Variants in BRAF observed in about 807,000 individuals in gnomAD.
BRAF encodes serine/threonine-protein kinase B-raf.
Under a neutral mutation model 104.6 loss-of-function variants are expected in BRAF, and 16 were observed. That is an observed-to-expected ratio of 0.15 (90% CI 0.10 to 0.23). BRAF has a LOEUF of 0.23. Among genes scored for constraint, BRAF ranks in the 10% least tolerant of loss-of-function variants. The pLI is 1.00. For synonymous variants in BRAF, 310 were observed against 341.6 expected, an observed-to-expected ratio of 0.91 and a Z score of 1.02; for missense variants, 541 against 937.3, an observed-to-expected ratio of 0.58 and a Z score of 5.52.
In BRAF at chr7:140,770,865, G is replaced by A. The variant is rs562006975; in HGVS notation, c.1814+6047C>T. 1.3e-4 allele frequency among the ~76,000 whole-genome samples: 19 copies of A among 151,032 alleles called. No individual in the cohort carries two copies. In the South Asian group the frequency reaches 3.2e-3, roughly 25 times the overall value. On this transcript the variant is annotated intron_variant, in intron 14 of 19. Transcript: ENST00000644969. ...GGAGAATCGCTTGAACCTGAGAGGC[G>A]GAGGTTTCAGTGAGCCAAGGTCGTG...
intron 1 of BRAF, among the ~76,000 whole-genome samples, chr7:140,879,550 TAAAA>T (rs71170768): frequency 2.5e-5 from 3 of 121,664 alleles, no homozygotes; most frequent in African/African-American, 3.0e-5. Flanking sequence ...AGCATTATTC[TAAAA>T]AAAAAAAAAA....
At chr7:140,733,325 TG>T (rs1796125043) in intron 19 of BRAF, 1 of 151,576 alleles carries the variant, frequency 6.6e-6, no homozygotes, top group African/African-American at 2.4e-5. Flanking sequence ...GGAAGAACCT[TG>T]ATCTATTGGC....
At chr7:140,895,313 G>C (rs1814757398) in intron 1 of BRAF, among the ~76,000 whole-genome samples, 1 of 152,090 alleles carries the variant, frequency 6.6e-6, no homozygotes, top group Non-Finnish European at 1.5e-5. Context: ...CAGCAAACTA[G>C]AAATGGAAGA....
intron 2 of BRAF, among the ~76,000 whole-genome samples, chr7:140,846,445 A>T (rs1808550047): frequency 6.6e-6 from 1 of 152,234 alleles, no homozygotes; most frequent in East Asian, 1.9e-4. Flanking sequence ...TTCCATTAAC[A>T]TGAAGTTCCT....
At chr7:140,778,349 C>A (rs1006432136) in intron 12 of BRAF, among the ~76,000 whole-genome samples, 2 of 152,028 alleles carry the variant, frequency 1.3e-5, no homozygotes, top group East Asian at 3.9e-4. Context: ...CAATTAAGTA[C>A]CCATGGTATT....
chr7:140,841,742 C>T (rs1215806697), intron 2 of BRAF, among the ~76,000 whole-genome samples: 2 of 152,004 alleles, frequency 1.3e-5, no homozygotes, highest in Non-Finnish European at 2.9e-5. Flanking sequence ...GGAATGACTA[C>T]TAATGCATAA....
chr7:140,892,264 A>T (rs1037079537), intron 1 of BRAF, among the ~76,000 whole-genome samples: 8 of 152,200 alleles, frequency 5.3e-5, no homozygotes, highest in Non-Finnish European at 1.0e-4. Context: ...TCAAAAAAAA[A>T]AAATAAATCA....
rs991759529 is a variant in BRAF, at chr7:140,740,049, C to T, written c.2113-103G>A. 11 of 1,237,624 alleles carry T rather than the reference C, an allele frequency of 8.9e-6. No individual in the cohort carries two copies. The East Asian group carries it at 1.2e-4, about 14-fold the overall frequency. 76.7% of individuals were successfully genotyped at this position (1,237,624 alleles called of 1,614,324 possible). On this transcript the variant is annotated intron_variant, in intron 17 of 19. Coordinates refer to ENST00000644969, the MANE Select transcript of BRAF (RefSeq NM_001374258.1). Reference sequence around the variant, plus strand: ...CAATAAGCTGTACATTTACAGCTTACGATGTATGTATTACACCTCAATAAA... The same window carrying T: ...CAATAAGCTGTACATTTACAGCTTATGATGTATGTATTACACCTCAATAAA...
chr7:140,917,903 C>T (rs1172415354), intron 1 of BRAF, among the ~76,000 whole-genome samples: 1 of 152,098 alleles, frequency 6.6e-6, no homozygotes, highest in Non-Finnish European at 1.5e-5. Flanking sequence ...CAGAGTCAAA[C>T]TCATTTGTTT....
chr7:140,849,628 T>C (rs1021372613), intron 2 of BRAF, among the ~76,000 whole-genome samples: 11 of 151,544 alleles, frequency 7.3e-5, no homozygotes, highest in Admixed American at 2.0e-4. Context: ...CTGGCCAATA[T>C]GGTGAAACCC....
chr7:140,916,949 C>T (rs564386598), intron 1 of BRAF, among the ~76,000 whole-genome samples: 7 of 152,306 alleles, frequency 4.6e-5, no homozygotes, highest in African/African-American at 1.7e-4. Context: ...AGAAAACACA[C>T]ACAGATCAAT....
At position 140,788,860 on chromosome 7, in the gene BRAF, A is replaced by G. The variant is rs183532604; in HGVS notation, c.1141-1276T>C. On this transcript the variant is annotated intron_variant, in intron 8 of 19. Transcript: ENST00000644969. Reference sequence around the variant, plus strand: ...CACCTCAGCCTCCCAAAGTGCTGGGATTACATGCATAAGCCGCCGCAACCG... The same window carrying G: ...CACCTCAGCCTCCCAAAGTGCTGGGGTTACATGCATAAGCCGCCGCAACCG... Among the ~76,000 whole-genome samples, 382 of 151,464 alleles carry G rather than the reference A, an allele frequency of 2.5e-3. 2 individuals are homozygous for G. Among genetic ancestry groups the G allele is most frequent in the Non-Finnish European group, 4.8e-3 (326 of 67,872 alleles).
chr7:140,882,811 G>A (rs1210979472), intron 1 of BRAF, among the ~76,000 whole-genome samples: 3 of 151,896 alleles, frequency 2.0e-5, no homozygotes, highest in Non-Finnish European at 1.5e-5. Flanking sequence ...TGACCAACAT[G>A]GAGAAGAAAC....
chr7:140,739,682 G>T, intron 18 of BRAF, 130 bp downstream of exon 17: 1 of 1,095,804 alleles, frequency 9.1e-7, no homozygotes, highest in Non-Finnish European at 1.3e-6. Context: ...ATCTTAATGT[G>T]TTTTCTTGTC....
rs1156753362 is a variant in BRAF at position 140,914,229 on chromosome 7, A to T, written c.138+10337T>A. Among the ~76,000 whole-genome samples the T allele has an allele frequency of 2.6e-5, 4 of 152,210 alleles. No individual in the cohort carries two copies. The East Asian group carries it at 7.7e-4, about 29-fold the overall frequency. Reference sequence around the variant, plus strand: ...TATTTTCATAGCACTCCTATGATCTACTTAACACATATGGCCTACTAGAAG... The same window carrying T: ...TATTTTCATAGCACTCCTATGATCTTCTTAACACATATGGCCTACTAGAAG... On this transcript the variant is annotated intron_variant, in intron 1 of 19. Coordinates refer to ENST00000644969, the MANE Select transcript of BRAF (RefSeq NM_001374258.1).
intron 17 of BRAF, chr7:140,740,238 T>C: frequency 3.1e-6 from 1 of 318,870 alleles, no homozygotes; most frequent in Non-Finnish European, 5.9e-6. Flanking sequence ...AGGGTAACCA[T>C]CTAAAACAGA....
chr7:140,726,626 A>T, intron 19 of BRAF: 1 of 990,914 alleles, frequency 1.0e-6, no homozygotes, highest in South Asian at 1.5e-5. Context: ...ATATATTTCA[A>T]GTCTAGCAAC....
chr7:140,831,461 T>G (rs138718619), intron 3 of BRAF, among the ~76,000 whole-genome samples: 4 of 152,170 alleles, frequency 2.6e-5, no homozygotes, highest in Admixed American at 6.5e-5. Context: ...AGCAGTCACA[T>G]AGAACTCTCC....
At chr7:140,854,783 A>G (rs1403628986) in intron 1 of BRAF, among the ~76,000 whole-genome samples, 1 of 152,038 alleles carries the variant, frequency 6.6e-6, no homozygotes, top group Non-Finnish European at 1.5e-5. Flanking sequence ...CGTCTCTACT[A>G]AAAATACAAA....
Sources: gnomAD v4.1 joint callset for allele counts (sites outside exome capture counted in the v4.1 genomes callset) on GRCh38, gnomAD v4.1.1 for gene constraint, MANE v1.5 for transcripts, NCBI Gene and HGNC (gene_info 2026-07-23, HGNC 2026-07-21) for gene names.